Variants in GRID1 observed in about 807,000 individuals in gnomAD.
GRID1 encodes glutamate receptor ionotropic, delta-1.
Under a neutral mutation model 98.0 loss-of-function variants are expected in GRID1, and 28 were observed. The ratio of observed to expected loss-of-function variants is 0.29; its 90% CI spans 0.21 to 0.39. The LOEUF (loss-of-function observed/expected upper bound fraction) is 0.39. Ranked by LOEUF, GRID1 falls within the 10% of genes least tolerant of loss-of-function variation. The probability of loss-of-function intolerance (pLI) is 1.00; values close to 1 mark genes in which losing one functional copy is unlikely to be tolerated. For synonymous variants in GRID1, 553 were observed against 538.5 expected, an observed-to-expected ratio of 1.03 and a Z score of -0.37; for missense variants, 1,111 against 1,340.5, an observed-to-expected ratio of 0.83 and a Z score of 2.67.
At chr10:86,141,201 C>T (rs1051827471) in intron 3 of GRID1, among the ~76,000 whole-genome samples, 1 of 152,280 alleles carries the variant, frequency 6.6e-6, no homozygotes, top group Non-Finnish European at 1.5e-5. Flanking sequence ...TTACACCTGC[C>T]CCAGTGCTCC....
At chr10:86,044,642 G>A (rs150191278) in intron 4 of GRID1, among the ~76,000 whole-genome samples, 2 of 152,164 alleles carry the variant, frequency 1.3e-5, no homozygotes, top group Non-Finnish European at 2.9e-5. Context: ...GCCGTTACAG[G>A]GTCCCCCATG....
intron 13 of GRID1, among the ~76,000 whole-genome samples, chr10:85,638,831 T>C (rs1446186417): frequency 6.6e-6 from 1 of 152,076 alleles, no homozygotes; most frequent in Admixed American, 6.5e-5. Flanking sequence ...CATGAAAAAA[T>C]GCTCAGCATC....
intron 2 of GRID1, among the ~76,000 whole-genome samples, chr10:86,340,336 T>A (rs1235629814): frequency 6.6e-6 from 1 of 152,154 alleles, no homozygotes; most frequent in Non-Finnish European, 1.5e-5. Context: ...AAGGCAACGC[T>A]TCCCTAACTG....
chr10:85,953,404 A>G (rs1842150171), intron 4 of GRID1, among the ~76,000 whole-genome samples: 1 of 152,226 alleles, frequency 6.6e-6, no homozygotes, highest in South Asian at 2.1e-4. Flanking sequence ...AGGAAAAATA[A>G]CTAATGGGTA....
intron 4 of GRID1, among the ~76,000 whole-genome samples, chr10:85,994,604 C>T (rs1354127419): frequency 6.6e-6 from 1 of 152,204 alleles, no homozygotes; most frequent in African/African-American, 2.4e-5. Flanking sequence ...AATATGGATA[C>T]ACACATGCTG....
intron 4 of GRID1, among the ~76,000 whole-genome samples, chr10:86,036,974 G>A (rs965793109): frequency 2.0e-5 from 3 of 152,232 alleles, no homozygotes; most frequent in Non-Finnish European, 4.4e-5. Context: ...CAACAGCACA[G>A]TGTGTTCCCT....
At chr10:85,836,212 A>G (rs565683689) in intron 8 of GRID1, among the ~76,000 whole-genome samples, 2 of 152,326 alleles carry the variant, frequency 1.3e-5, no homozygotes, top group South Asian at 4.1e-4. Flanking sequence ...TAATTTTTAA[A>G]ATGAAACAAA....
chr10:86,207,780 C>T (rs2814321), intron 2 of GRID1, among the ~76,000 whole-genome samples: 52,394 of 151,552 alleles, frequency 0.35, 9,186 homozygotes, highest in South Asian at 0.48. Context: ...TACAGGCACG[C>T]GCCACCATGC....
intron 2 of GRID1, among the ~76,000 whole-genome samples, chr10:86,224,266 G>A (rs542314060): frequency 3.4e-4 from 51 of 152,230 alleles, no homozygotes; most frequent in Non-Finnish European, 6.3e-4. Flanking sequence ...GACTGGCTAA[G>A]TGAGCCCAAG....
In GRID1 at chr10:85,879,595, G is replaced by C. The variant is rs542984367; in HGVS notation, c.781-10415C>G. Among the ~76,000 whole-genome samples the C allele has an allele frequency of 8.5e-3, 1,295 of 151,770 alleles. 16 individuals carry two copies. Among genetic ancestry groups the C allele is most frequent in the African/African-American group, 0.029 (1,214 of 41,248 alleles). ...CAACGAGAACAAAGACAAAACATAC[G>C]AGAATCTCTGGGACACATTCAAAGC... is the stretch of plus-strand genomic sequence containing the variant. On this transcript the variant is annotated intron_variant, in intron 5 of 15. Coordinates refer to ENST00000327946, the MANE Select transcript of GRID1 (RefSeq NM_017551.3).
At chr10:86,066,105 G>A (rs1199315178) in intron 4 of GRID1, among the ~76,000 whole-genome samples, 2 of 152,226 alleles carry the variant, frequency 1.3e-5, no homozygotes. Context: ...AGAGGGGGAA[G>A]AGCGGTATTA....
At chr10:85,962,961 G>A (rs576270408) in intron 4 of GRID1, among the ~76,000 whole-genome samples, 33 of 152,304 alleles carry the variant, frequency 2.2e-4, no homozygotes, top group Admixed American at 3.3e-4. Context: ...TAATTTTAAA[G>A]TAATATGCTA....
At chr10:86,318,335 C>T (rs1383957723) in intron 2 of GRID1, among the ~76,000 whole-genome samples, 1 of 152,228 alleles carries the variant, frequency 6.6e-6, no homozygotes, top group Non-Finnish European at 1.5e-5. Flanking sequence ...TAGTCATGGC[C>T]ACTGCTGCCA....
At chr10:86,061,692 C>T (rs371551470) in intron 4 of GRID1, among the ~76,000 whole-genome samples, 16 of 152,136 alleles carry the variant, frequency 1.1e-4, no homozygotes, top group African/African-American at 3.9e-4. Flanking sequence ...GTCCCTCCTG[C>T]CAGTGCTCCA....
rs769953257 is a variant in GRID1, at chr10:86,192,338, G to A, written c.520+14026C>T. Among the ~76,000 whole-genome samples the A allele has an allele frequency of 1.3e-5, 2 of 152,134 alleles. No individual in the cohort carries two copies. The highest frequency in any genetic ancestry group is 2.4e-5 in the African/African-American group (1 of 41,406). On this transcript the variant is annotated intron_variant, in intron 3 of 15. Transcript: ENST00000327946. This position sits in a 1 kb window ranked among gnomAD's most constrained non-coding sequence, Gnocchi z 4.8. ...ATAAAATTCTGTCTATCCACACAAT[G>A]GAATATTACTCAGCCTGAAAAAGGA...
In GRID1 at chr10:85,951,691, A is replaced by G. The variant is rs185985932; in HGVS notation, c.727-35452T>C. 1.4e-4 allele frequency among the ~76,000 whole-genome samples: 21 copies of G among 152,338 alleles called. 1 individual carries two copies. The highest frequency in any genetic ancestry group is 1.2e-3 in the Admixed American group (19 of 15,306). ...CAATTTATGTACACAACTGCAGCAG[A>G]CATTGCTGGTGCCCACCCAGACACA... On this transcript the variant is annotated intron_variant, in intron 4 of 15. Transcript: ENST00000327946.
chr10:86,354,599 G>A (rs886641928), intron 2 of GRID1, among the ~76,000 whole-genome samples: 1 of 152,226 alleles, frequency 6.6e-6, no homozygotes, highest in Admixed American at 6.5e-5. Flanking sequence ...GGTCAGAGAG[G>A]GAATGCGATC....
intron 8 of GRID1, among the ~76,000 whole-genome samples, chr10:85,754,325 G>A (rs1019229168): frequency 6.6e-6 from 1 of 152,196 alleles, no homozygotes; most frequent in Non-Finnish European, 1.5e-5. Flanking sequence ...GAAACTGACA[G>A]GCACAGGTCA....
intron 12 of GRID1, among the ~76,000 whole-genome samples, chr10:85,705,325 A>G (rs1841502865): frequency 6.6e-6 from 1 of 152,198 alleles, no homozygotes; most frequent in South Asian, 2.1e-4. Context: ...GAATACTATA[A>G]ACACCTCTAC....
Sources: gnomAD v4.1 joint callset for allele counts (sites outside exome capture counted in the v4.1 genomes callset) on GRCh38, gnomAD v4.1.1 for gene constraint, Gnocchi (gnomAD v3.1) non-coding constraint, MANE v1.5 for transcripts, NCBI Gene and HGNC (gene_info 2026-07-23, HGNC 2026-07-21) for gene names.